Variants in PLPPR5 observed in about 807,000 individuals in gnomAD.
PLPPR5 encodes the protein phospholipid phosphatase related 5.
PLPPR5 carries 16 observed loss-of-function variants against 33.9 expected under a neutral mutation model. The ratio of observed to expected loss-of-function variants is 0.47; its 90% CI spans 0.32 to 0.72. The LOEUF (loss-of-function observed/expected upper bound fraction) is 0.72. Among genes scored for constraint, PLPPR5 ranks in the 30% least tolerant of loss-of-function variants. The pLI is 0.03. For synonymous variants in PLPPR5, 163 were observed against 150.3 expected (o/e 1.08, Z -0.62); for missense variants, 301 against 406.7 (o/e 0.74, Z 2.23).
intron 1 of PLPPR5, among the ~76,000 whole-genome samples, chr1:98,963,567 C>A (rs1458865871): frequency 6.6e-6 from 1 of 152,134 alleles, no homozygotes; most frequent in East Asian, 1.9e-4. Context: ...CACATGGTAA[C>A]CGGCACAGCC....
At chr1:98,947,677 G>C (rs1284103784) in intron 3 of PLPPR5, among the ~76,000 whole-genome samples, 1 of 152,150 alleles carries the variant, frequency 6.6e-6, no homozygotes, top group Non-Finnish European at 1.5e-5. Context: ...AGGGGTCCAT[G>C]GTAGTGAAAA....
At chr1:98,904,544 T>A (rs1270513670) in intron 5 of PLPPR5, among the ~76,000 whole-genome samples, 1 of 152,172 alleles carries the variant, frequency 6.6e-6, no homozygotes, top group Admixed American at 6.5e-5. Flanking sequence ...TTTTACCAGA[T>A]AAAGCCTTTT....
At chr1:98,952,187 TGGGA>T in intron 3 of PLPPR5, among the ~76,000 whole-genome samples, 1 of 143,320 alleles carries the variant, frequency 7.0e-6, no homozygotes, top group Non-Finnish European at 1.5e-5. Flanking sequence ...GGGGTGAACC[TGGGA>T]GGCGGAGCTT....
chr1:98,997,510 C>T (rs555086404), intron 1 of PLPPR5, among the ~76,000 whole-genome samples: 3 of 152,230 alleles, frequency 2.0e-5, no homozygotes, highest in South Asian at 2.1e-4. Flanking sequence ...ACAAAATGAA[C>T]GAGATGATTC....
intron 3 of PLPPR5, among the ~76,000 whole-genome samples, chr1:98,936,033 C>T (rs936632376): frequency 1.3e-5 from 2 of 152,248 alleles, no homozygotes; most frequent in African/African-American, 2.4e-5. Context: ...ACACGGGGGA[C>T]GTTCTGGATT....
At chr1:98,894,744 A>C (rs1018552680) in intron 5 of PLPPR5, among the ~76,000 whole-genome samples, 3 of 152,068 alleles carry the variant, frequency 2.0e-5, no homozygotes, top group African/African-American at 7.2e-5. Context: ...AGGGTTCACA[A>C]GACTCATTAA....
chr1:98,933,193 T>TAA (rs879430958), intron 3 of PLPPR5, among the ~76,000 whole-genome samples: 1 of 143,812 alleles, frequency 7.0e-6, no homozygotes, highest in Admixed American at 7.0e-5. Context: ...GAGGGCTTTT[T>TAA]AAAAAAAAAA....
chr1:98,949,276 T>C (rs1650685939), intron 3 of PLPPR5, among the ~76,000 whole-genome samples: 1 of 151,848 alleles, frequency 6.6e-6, no homozygotes, highest in Non-Finnish European at 1.5e-5. Flanking sequence ...AGCTTTTTTT[T>C]TTTATTATTC....
At chr1:98,984,798 G>C (rs1652195566) in intron 1 of PLPPR5, among the ~76,000 whole-genome samples, 1 of 151,822 alleles carries the variant, frequency 6.6e-6, no homozygotes, top group South Asian at 2.1e-4. Flanking sequence ...TTCTTTTTCA[G>C]AGGTATCCAT....
chr1:98,914,786 C>T lies in PLPPR5; in HGVS notation c.933G>A (p.Gln311=). Residue 311 remains glutamine, a splice_region_variant and synonymous_variant, in exon 5 of 6, where the codon CAG becomes CAA. Coordinates refer to ENST00000263177, the MANE Select transcript of PLPPR5 (RefSeq NM_001037317.2). Reference sequence around the variant, plus strand: ...ATTTAGAATTTAAATTGTGAGTCACCTGTACAGATGTTACCTTTTCCAAAG... The same window carrying T: ...ATTTAGAATTTAAATTGTGAGTCACTTGTACAGATGTTACCTTTTCCAAAG... ...ESPLEKVTSV[Q]NHITAFAEVT 5 of 1,606,008 alleles carry T rather than the reference C, an allele frequency of 3.1e-6. No homozygotes were observed. Among genetic ancestry groups the T allele is most frequent in the Non-Finnish European group, 4.2e-6 (5 of 1,176,942 alleles).
intron 1 of PLPPR5, among the ~76,000 whole-genome samples, chr1:98,976,327 T>C (rs908076108): frequency 6.6e-6 from 1 of 152,062 alleles, no homozygotes. Flanking sequence ...TCCTTCTCTA[T>C]GTCCTAACAT....
chr1:98,947,307 G>C (rs1650592362), intron 3 of PLPPR5, among the ~76,000 whole-genome samples: 1 of 152,144 alleles, frequency 6.6e-6, no homozygotes, highest in African/African-American at 2.4e-5. Context: ...GAAGACATGG[G>C]AATTTCTGTG....
intron 3 of PLPPR5, among the ~76,000 whole-genome samples, chr1:98,945,151 C>T (rs1329182551): frequency 6.6e-6 from 1 of 152,268 alleles, no homozygotes; most frequent in Non-Finnish European, 1.5e-5. Flanking sequence ...TAGAAGTTGT[C>T]ACTTTAAAAA....
intron 3 of PLPPR5, among the ~76,000 whole-genome samples, chr1:98,940,319 G>T (rs1646103303): frequency 6.6e-6 from 1 of 151,782 alleles, no homozygotes; most frequent in South Asian, 2.1e-4. Flanking sequence ...GCTCTCTGCT[G>T]TCTCTTCTTA....
At chr1:98,955,191 A>G in intron 2 of PLPPR5, among the ~76,000 whole-genome samples, 1 of 152,220 alleles carries the variant, frequency 6.6e-6, no homozygotes, top group African/African-American at 2.4e-5. Context: ...AAACATCCAA[A>G]CCATAAGGGA....
At chr1:98,931,016 T>TAA (rs1198555689) in intron 3 of PLPPR5, among the ~76,000 whole-genome samples, 1 of 152,192 alleles carries the variant, frequency 6.6e-6, no homozygotes, top group African/African-American at 2.4e-5. Context: ...TAAGGCATGT[T>TAA]AAGTTATCAA....
chr1:98,913,905 C>T (rs375101377), intron 5 of PLPPR5, among the ~76,000 whole-genome samples: 1 of 152,188 alleles, frequency 6.6e-6, no homozygotes, highest in African/African-American at 2.4e-5. Flanking sequence ...GTGCTCACTG[C>T]CATGCCTAAT....
chr1:99,002,883 T>A (rs954228343), intron 1 of PLPPR5, among the ~76,000 whole-genome samples: 3 of 151,258 alleles, frequency 2.0e-5, no homozygotes, highest in African/African-American at 7.3e-5. Context: ...ATATCTGAGC[T>A]ATTTAGTCTC....
At chr1:98,900,498 T>C (rs1432219321) in intron 5 of PLPPR5, among the ~76,000 whole-genome samples, 1 of 152,202 alleles carries the variant, frequency 6.6e-6, no homozygotes, top group Non-Finnish European at 1.5e-5. Flanking sequence ...CTGTATTTAA[T>C]ATTTGTTACA....
Sources: gnomAD v4.1 joint callset for allele counts (sites outside exome capture counted in the v4.1 genomes callset) on GRCh38, gnomAD v4.1.1 for gene constraint, MANE v1.5 for transcripts, NCBI Gene and HGNC (gene_info 2026-07-23, HGNC 2026-07-21) for gene names.